The following ATL1 variants were observed in gnomAD, a reference collection of about 807,000 sequenced individuals.
ATL1 encodes the protein atlastin GTPase 1.
Under a neutral mutation model 75.5 loss-of-function variants are expected in ATL1, and 31 were observed. The observed-to-expected ratio is 0.41, with a 90% confidence interval of 0.31 to 0.55. The LOEUF is 0.55. ATL1 is among the 20% of genes least tolerant of loss of function. The probability of loss-of-function intolerance (pLI) is 0.27; values close to 1 mark genes in which losing one functional copy is unlikely to be tolerated. For synonymous variants in ATL1, 226 were observed against 233.3 expected (o/e 0.97, Z 0.28); for missense variants, 405 against 662.6 (o/e 0.61, Z 4.27).
intron 1 of ATL1, among the ~76,000 whole-genome samples, chr14:50,539,896 T>C (rs141570667): frequency 1.3e-5 from 2 of 152,190 alleles, no homozygotes; most frequent in African/African-American, 4.8e-5. Context: ...GAAGAAAGAA[T>C]CTCAAGGTTT....
chr14:50,631,165 C>G, intron 13 of ATL1: 1 of 209,640 alleles, frequency 4.8e-6, no homozygotes, highest in Non-Finnish European at 9.7e-6. Flanking sequence ...GAGGCTGAGG[C>G]AAGAGAATAG....
intron 1 of ATL1, among the ~76,000 whole-genome samples, chr14:50,554,081 C>G (rs2038736625): frequency 6.6e-6 from 1 of 151,700 alleles, no homozygotes; most frequent in East Asian, 1.9e-4. Flanking sequence ...AAAATCTGTT[C>G]CCCAAAAACT....
intron 1 of ATL1, among the ~76,000 whole-genome samples, chr14:50,534,464 C>T (rs1282657877): frequency 1.3e-5 from 2 of 152,186 alleles, no homozygotes; most frequent in African/African-American, 2.4e-5. Flanking sequence ...AAACTGAATG[C>T]CCAGTTTGAG....
At chr14:50,622,755 T>TTAA (rs1429933758) in intron 10 of ATL1, among the ~76,000 whole-genome samples, 1 of 152,210 alleles carries the variant, frequency 6.6e-6, no homozygotes, top group Non-Finnish European at 1.5e-5. Context: ...ATGTAAGTTC[T>TTAA]TAATAGTTCC....
intron 12 of ATL1, among the ~76,000 whole-genome samples, chr14:50,629,612 T>C (rs2039559597): frequency 6.6e-6 from 1 of 150,598 alleles, no homozygotes; most frequent in Non-Finnish European, 1.5e-5. Flanking sequence ...CCTACTTATA[T>C]ATACTTTATA....
chr14:50,540,441 C>T (rs927837405), intron 1 of ATL1, among the ~76,000 whole-genome samples: 4 of 152,050 alleles, frequency 2.6e-5, no homozygotes, highest in African/African-American at 7.2e-5. Context: ...AGGGTGAGGG[C>T]GGATGTCTTT....
intron 3 of ATL1, 55 bp downstream of exon 3, chr14:50,591,130 T>C: frequency 6.4e-7 from 1 of 1,556,040 alleles, no homozygotes; most frequent in South Asian, 1.1e-5. Flanking sequence ...CAGTTACTAC[T>C]TTTTAGGATC....
chr14:50,582,098 T>C (rs571348836), intron 1 of ATL1, among the ~76,000 whole-genome samples: 2 of 152,102 alleles, frequency 1.3e-5, no homozygotes, highest in South Asian at 2.1e-4. Flanking sequence ...CTGGCCAACA[T>C]GGTGAAACCC....
Position 50,613,369 on chromosome 14 carries a change from G to C in ATL1, c.723+18G>C. 6.3e-7 allele frequency: 1 copy of C among 1,582,872 alleles called. No homozygotes were observed. Among genetic ancestry groups the C allele is most frequent in the Non-Finnish European group, 8.7e-7 (1 of 1,152,896 alleles). ...GCCTCAAGGTTTGTTAGATATTTAG[G>C]TGCATGAAATTTCACTAATAATCTG... On this transcript the variant is annotated intron_variant, in intron 7 of 13. Transcript: ENST00000358385.
intron 1 of ATL1, among the ~76,000 whole-genome samples, chr14:50,566,084 G>A (rs11844881): frequency 0.1 from 15,129 of 152,004 alleles, 2,119 homozygotes; most frequent in African/African-American, 0.32. Context: ...TGCAACCTCC[G>A]CCTCCCAGGT....
intron 10 of ATL1, 43 bp downstream of exon 10, chr14:50,621,942 G>A (rs968212023): frequency 3.8e-6 from 5 of 1,327,982 alleles, no homozygotes; most frequent in Non-Finnish European, 5.4e-6. Flanking sequence ...ACGTGACTAA[G>A]GCTAAGATTT....
At chr14:50,582,326 C>T (rs2039063554) in intron 1 of ATL1, among the ~76,000 whole-genome samples, 1 of 151,658 alleles carries the variant, frequency 6.6e-6, no homozygotes, top group Non-Finnish European at 1.5e-5. Flanking sequence ...ACAAAGAAAA[C>T]ACCAGGTTCA....
chr14:50,576,439 C>T (rs1179186870), intron 1 of ATL1, among the ~76,000 whole-genome samples: 1 of 152,146 alleles, frequency 6.6e-6, no homozygotes, highest in African/African-American at 2.4e-5. Flanking sequence ...TACTTCTGAC[C>T]TGTTTCCTGC....
chr14:50,559,939 T>G, upstream of ATL1: 4 of 404,344 alleles, frequency 9.9e-6, no homozygotes, highest in South Asian at 3.1e-5. Flanking sequence ...TCGAGGGGGG[T>G]GCTGTTTATT....
chr14:50,591,738 G>T, intron 4 of ATL1, 99 bp downstream of exon 4: 1 of 870,118 alleles, frequency 1.1e-6, no homozygotes, highest in Non-Finnish European at 1.9e-6. Context: ...AACAGAAATT[G>T]GGAATCATAT....
chr14:50,626,126 T>C (rs1035807529), intron 11 of ATL1, among the ~76,000 whole-genome samples: 1 of 152,196 alleles, frequency 6.6e-6, no homozygotes, highest in Admixed American at 6.5e-5. Context: ...TTAAGGAAAT[T>C]AATGTTTTCA....
intron 11 of ATL1, 87 bp from the exon 12 acceptor site, chr14:50,627,944 A>C: frequency 7.7e-7 from 1 of 1,294,272 alleles, no homozygotes; most frequent in Non-Finnish European, 1.1e-6. Context: ...GTATTCTAAC[A>C]AACTCAACTA....
At chr14:50,569,419 A>G (rs2038934910) in intron 1 of ATL1, among the ~76,000 whole-genome samples, 2 of 86,718 alleles carry the variant, frequency 2.3e-5, no homozygotes, top group East Asian at 6.2e-4. Context: ...ACTCTGTCTC[A>G]AAAAAAAAAA....
upstream of ATL1, chr14:50,559,438 T>C (rs191111094): frequency 7.2e-5 from 11 of 152,328 alleles, no homozygotes; most frequent in African/African-American, 2.4e-4. Context: ...ATTTTTTTTC[T>C]TTTCCTTTCA....
Sources: gnomAD v4.1 joint callset for allele counts (sites outside exome capture counted in the v4.1 genomes callset) on GRCh38, gnomAD v4.1.1 for gene constraint, MANE v1.5 for transcripts, NCBI Gene and HGNC (gene_info 2026-07-23, HGNC 2026-07-21) for gene names.